The following AQP11 variants were observed in gnomAD, a reference collection of about 807,000 sequenced individuals.
The protein encoded by AQP11 is aquaporin 11.
AQP11 carries 20 observed loss-of-function variants against 21.1 expected under a neutral mutation model. The ratio of observed to expected loss-of-function variants is 0.95; its 90% CI spans 0.67 to 1.38. The LOEUF (loss-of-function observed/expected upper bound fraction) is 1.38, where lower values mean the gene tolerates loss of function less well. Among genes scored for constraint, AQP11 ranks in the 40% most tolerant of loss-of-function variants. The probability of loss-of-function intolerance (pLI) is 0.00; values close to 1 mark genes in which losing one functional copy is unlikely to be tolerated. For missense variants in AQP11, 339 were observed against 340.4 expected, an observed-to-expected ratio of 1.00 and a Z score of 0.03; for synonymous variants, 167 against 150.1, an observed-to-expected ratio of 1.11 and a Z score of -0.82.
At chr11:77,604,069 G>A (rs1958830681) in intron 2 of AQP11, among the ~76,000 whole-genome samples, 1 of 151,954 alleles carries the variant, frequency 6.6e-6, no homozygotes, top group African/African-American at 2.4e-5. Flanking sequence ...ATTAAGTATA[G>A]TTTAAAAATT....
At chr11:77,592,033 A>G (rs537947569) in intron 1 of AQP11, among the ~76,000 whole-genome samples, 2 of 152,360 alleles carry the variant, frequency 1.3e-5, no homozygotes, top group East Asian at 3.9e-4. Context: ...TGGGAGGCCA[A>G]GGCAGGTGGA....
chr11:77,600,956 G>A (rs1052378626), intron 1 of AQP11, among the ~76,000 whole-genome samples: 3 of 151,168 alleles, frequency 2.0e-5, no homozygotes, highest in Admixed American at 6.6e-5. Context: ...AGCTTGCAGT[G>A]AGCCGAGATC....
In AQP11 at chr11:77,603,680, T is replaced by C; in HGVS notation, c.736+8T>C. On this transcript the variant is annotated splice_region_variant and intron_variant, in intron 2 of 2. Transcript: ENST00000313578. The stretch of plus-strand genomic sequence containing the variant: ...GGCTGGCTCCTTCTTTAGGTAAGCG[T>C]ATTTTTATTTAATATGTCTGAAAGA... The C allele has an allele frequency of 6.5e-7, 1 of 1,531,438 alleles. No individual in the cohort carries two copies. The highest frequency in any genetic ancestry group is 8.9e-7 in the Non-Finnish European group (1 of 1,122,672). The allele number at this position is 1,531,438 out of a possible 1,614,324, so 94.9% of individuals were successfully genotyped here.
chr11:77,593,959 CAAA>C (rs1434554866), intron 1 of AQP11, among the ~76,000 whole-genome samples: 1 of 152,142 alleles, frequency 6.6e-6, no homozygotes, highest in East Asian at 1.9e-4. Context: ...AAGCCAGACA[CAAA>C]AAGACAAATA....
At chr11:77,602,064 G>A (rs555943825) in intron 1 of AQP11, among the ~76,000 whole-genome samples, 30 of 152,338 alleles carry the variant, frequency 2.0e-4, no homozygotes, top group Admixed American at 3.3e-4. Flanking sequence ...GTCTTGCTGG[G>A]AGAAGCAGCT....
At chr11:77,602,880 G>A (rs936856833) in intron 1 of AQP11, among the ~76,000 whole-genome samples, 5 of 152,218 alleles carry the variant, frequency 3.3e-5, no homozygotes, top group Non-Finnish European at 5.9e-5. Flanking sequence ...CGAAGACACA[G>A]CTCTGTGGAG....
chr11:77,590,952 G>T, intron 1 of AQP11: 1 of 985,350 alleles, frequency 1.0e-6, no homozygotes, highest in Non-Finnish European at 1.2e-6. Context: ...ATGCCAAGGT[G>T]GTATAGATCG....
Position 77,590,438 on chromosome 11 carries a change from G to T in AQP11, c.446G>T (p.Ser149Ile), listed in dbSNP as rs1590780132. 6.2e-7 allele frequency: 1 copy of T among 1,614,082 alleles called. No individual in the cohort carries two copies. Among genetic ancestry groups the T allele is most frequent in the East Asian group, 2.2e-5 (1 of 44,852 alleles). The change falls in exon 1 of 3, where the codon AGC (serine) becomes ATC (isoleucine). Residue 149 changes from serine (S) to isoleucine (I), a missense_variant. Transcript: ENST00000313578. The stretch of plus-strand genomic sequence containing the variant: ...TTGGGTCTGACCCAGTATCACGTCA[G>T]CGAGAGGAGCTTCGCTTGCAAGAAT... ...WSLGLTQYHV[S>I]ERSFACKNPI...
At chr11:77,596,541 T>TATATGTAA (rs1159733654) in intron 1 of AQP11, among the ~76,000 whole-genome samples, 23 of 119,828 alleles carry the variant, frequency 1.9e-4, no homozygotes, top group Middle Eastern at 3.5e-3. Flanking sequence ...TATGTAAATA[T>TATATGTAA]ATATATATAT....
At position 77,590,274 on chromosome 11, in the gene AQP11, G is replaced by C. The variant is rs766689802; in HGVS notation, c.282G>C (p.Val94=). ...FFSLVHGLTL[V]GTSSNPCGVM... Reference sequence around the variant, plus strand: ...CGCTTGTGCATGGCCTGACTCTGGTGGGCACGTCCAGCAACCCGTGCGGCG... The same window carrying C: ...CGCTTGTGCATGGCCTGACTCTGGTCGGCACGTCCAGCAACCCGTGCGGCG... Residue 94 remains valine (V), a synonymous_variant, in exon 1 of 3, where the codon GTG becomes GTC. Coordinates refer to ENST00000313578, the MANE Select transcript of AQP11 (RefSeq NM_173039.3). The C allele has an allele frequency of 3.1e-6, 5 of 1,603,342 alleles. No individual in the cohort carries two copies. The East Asian group carries it at 1.1e-4, about 36-fold the overall frequency.
chr11:77,595,141 A>G (rs1958770857), intron 1 of AQP11, among the ~76,000 whole-genome samples: 1 of 152,156 alleles, frequency 6.6e-6, no homozygotes, highest in South Asian at 2.1e-4. Context: ...CAGGAGTTTG[A>G]GACCAGCCTG....
At chr11:77,607,127 T>C (rs1032315926) in intron 2 of AQP11, among the ~76,000 whole-genome samples, 4 of 152,206 alleles carry the variant, frequency 2.6e-5, no homozygotes, top group African/African-American at 7.2e-5. Flanking sequence ...TGTATGTGAA[T>C]AAATGATGAT....
chr11:77,605,542 G>A (rs566329175), intron 2 of AQP11, among the ~76,000 whole-genome samples: 12 of 152,176 alleles, frequency 7.9e-5, no homozygotes, highest in African/African-American at 2.4e-4. Context: ...TCATAGGAAC[G>A]TGAACCTTAC....
intron 1 of AQP11, among the ~76,000 whole-genome samples, chr11:77,600,915 G>A (rs549536677): frequency 6.6e-6 from 1 of 152,156 alleles, no homozygotes; most frequent in East Asian, 1.9e-4. Context: ...GGGAGGCTGA[G>A]GCAGGAGAAT....
chr11:77,590,290 C>T lies in AQP11; in HGVS notation c.298C>T (p.Pro100Ser). 1 of 1,605,416 alleles carries T rather than the reference C, an allele frequency of 6.2e-7. No homozygotes were observed. Among genetic ancestry groups the T allele is most frequent in the Non-Finnish European group, 8.5e-7 (1 of 1,174,528 alleles). ...GLTLVGTSSN[P>S]CGVMMQMMLG... ...GACTCTGGTGGGCACGTCCAGCAAC[C>T]CGTGCGGCGTGATGATGCAGATGAT... Residue 100 changes from proline to serine, a missense_variant, in exon 1 of 3, where the codon CCG (proline) becomes TCG (serine). Physicochemically the swap from Pro to Ser is moderately conservative, Grantham distance 74. Coordinates refer to ENST00000313578, the MANE Select transcript of AQP11 (RefSeq NM_173039.3).
chr11:77,592,703 G>A lies in AQP11; in HGVS notation c.619+2092G>A, dbSNP rs146111440. 1.5e-3 allele frequency among the ~76,000 whole-genome samples: 225 copies of A among 152,322 alleles called. 3 individuals are homozygous for A. The South Asian group carries it at 0.035, about 24-fold the overall frequency. ...ACTTGGAGTTATAGATCCAGTCATA[G>A]ATATAAGGAAAGTTATTAGAAGTAT... On this transcript the variant is annotated intron_variant, in intron 1 of 2. Transcript: ENST00000313578.
intron 1 of AQP11, among the ~76,000 whole-genome samples, chr11:77,596,901 A>G (rs557715183): frequency 4.0e-5 from 6 of 151,776 alleles, no homozygotes; most frequent in Admixed American, 6.6e-5. Flanking sequence ...CTGAATACTT[A>G]TTTTGGGCCT....
In AQP11 at chr11:77,590,171, G is replaced by A; in HGVS notation, c.179G>A (p.Cys60Tyr). The part of the protein sequence containing the change: ...EFLATFQLCC[C>Y]THELQLLSEQ... ...CTAGCCACCTTCCAGCTCTGCTGCT[G>A]CACCCACGAGCTGCAACTGCTGAGC... The change falls in exon 1 of 3, where the codon TGC (cysteine) becomes TAC (tyrosine). Residue 60 changes from cysteine to tyrosine, a missense_variant. Transcript: ENST00000313578. 6.2e-7 allele frequency: 1 copy of A among 1,604,564 alleles called. No homozygotes were observed.
At chr11:77,606,838 G>A (rs1297520227) in intron 2 of AQP11, among the ~76,000 whole-genome samples, 2 of 152,132 alleles carry the variant, frequency 1.3e-5, no homozygotes, top group African/African-American at 4.8e-5. Flanking sequence ...CAGGTGATCT[G>A]CCCGCCTTGG....
Sources: allele counts gnomAD v4.1 joint callset (sites outside exome capture counted in the v4.1 genomes callset), GRCh38; gene constraint gnomAD v4.1.1; transcripts MANE v1.5; gene names NCBI Gene and HGNC (gene_info 2026-07-23, HGNC 2026-07-21).